The following STK3 variants were observed in gnomAD, a reference collection of about 807,000 sequenced individuals.
STK3 encodes serine/threonine kinase 3, also known as serine/threonine-protein kinase 3.
STK3 carries 41 observed loss-of-function variants against 58.0 expected under a neutral mutation model. That is an observed-to-expected ratio of 0.71 (90% CI 0.55 to 0.92). The LOEUF (loss-of-function observed/expected upper bound fraction) is 0.92, where lower values mean the gene tolerates loss of function less well. Ranked by LOEUF, STK3 falls within the 40% of genes least tolerant of loss-of-function variation. STK3 has a pLI of 0.00. For missense variants in STK3, 479 were observed against 602.7 expected (o/e 0.79, Z 2.15); for synonymous variants, 170 against 191.0 (o/e 0.89, Z 0.91).
the STK3 span, among the ~76,000 whole-genome samples, chr8:98,361,172 T>C: frequency 6.6e-6 from 1 of 152,202 alleles, no homozygotes; most frequent in African/African-American, 2.4e-5. Flanking sequence ...CTGACTTTAA[T>C]GAGTGCTCAG....
chr8:98,654,145 T>G (rs534357512), intron 6 of STK3, among the ~76,000 whole-genome samples: 78 of 152,286 alleles, frequency 5.1e-4, no homozygotes, highest in Admixed American at 3.1e-3. Flanking sequence ...ATGATCAAGT[T>G]GGATTCATCC....
At chr8:98,632,260 T>TA (rs1474971404) in intron 6 of STK3, among the ~76,000 whole-genome samples, 1 of 152,186 alleles carries the variant, frequency 6.6e-6, no homozygotes, top group Non-Finnish European at 1.5e-5. Context: ...AATGATTAAC[T>TA]ACCAAAAGAA....
intron 3 of STK3, among the ~76,000 whole-genome samples, chr8:98,422,113 T>G (rs1302943097): frequency 6.6e-6 from 1 of 151,802 alleles, no homozygotes; most frequent in Non-Finnish European, 1.5e-5. Context: ...AATGGGGGAG[T>G]GGCCTCTGCA....
intron 1 of STK3, among the ~76,000 whole-genome samples, chr8:98,792,963 G>T (rs569152273): frequency 1.1e-4 from 16 of 152,004 alleles, no homozygotes; most frequent in South Asian, 1.0e-3. Flanking sequence ...ATGTGTGTGT[G>T]TATGTATATA....
intron 3 of STK3, among the ~76,000 whole-genome samples, chr8:98,403,640 C>T (rs1228468753): frequency 6.6e-6 from 1 of 152,182 alleles, no homozygotes; most frequent in Non-Finnish European, 1.5e-5. Context: ...GGACAGGGAT[C>T]ATATCTGTGT....
chr8:98,426,496 G>A (rs57063021), intron 3 of STK3, among the ~76,000 whole-genome samples: 3 of 151,690 alleles, frequency 2.0e-5, no homozygotes, highest in South Asian at 2.1e-4. Flanking sequence ...CGCCCCCGCC[G>A]TGCGGCCTGC....
chr8:98,925,662 C>T (rs555297967), intron 1 of STK3, among the ~76,000 whole-genome samples: 1 of 152,222 alleles, frequency 6.6e-6, no homozygotes, highest in South Asian at 2.1e-4. Flanking sequence ...TTGTTGTTGG[C>T]CCAAACACCA....
intron 3 of STK3, among the ~76,000 whole-genome samples, chr8:98,404,085 C>T (rs954798960): frequency 3.3e-5 from 5 of 152,210 alleles, no homozygotes; most frequent in Non-Finnish European, 7.3e-5. Flanking sequence ...GAATTTAGTG[C>T]TTATCCTCTT....
chr8:98,414,195 C>T (rs765876606), intron 3 of STK3, among the ~76,000 whole-genome samples: 2 of 152,080 alleles, frequency 1.3e-5, no homozygotes, highest in East Asian at 1.9e-4. Context: ...ACCTGGGAGG[C>T]GGAGGTTGCA....
chr8:98,644,682 T>A (rs1018364918), intron 6 of STK3, among the ~76,000 whole-genome samples: 1 of 152,184 alleles, frequency 6.6e-6, no homozygotes, highest in Non-Finnish European at 1.5e-5. Flanking sequence ...AATCTTTTTC[T>A]CCTAAGGTCA....
intron 4 of STK3, among the ~76,000 whole-genome samples, chr8:98,740,878 C>T (rs1003071600): frequency 6.6e-6 from 1 of 151,666 alleles, no homozygotes; most frequent in Non-Finnish European, 1.5e-5. Flanking sequence ...CACAAAGGCT[C>T]AAAATAAAAG....
At chr8:98,868,998 AAGAG>A (rs1209772858) in intron 3 of STK3, among the ~76,000 whole-genome samples, 4 of 145,368 alleles carry the variant, frequency 2.8e-5, no homozygotes, top group African/African-American at 1.0e-4. Flanking sequence ...AGAAAGAAGA[AAGAG>A]AGAGAGAGAG....
At chr8:98,364,137 G>A in the STK3 span, among the ~76,000 whole-genome samples, 1 of 152,176 alleles carries the variant, frequency 6.6e-6, no homozygotes, top group Admixed American at 6.5e-5. Context: ...TCTCCAGACA[G>A]CCTGGAGCCT....
chr8:98,791,268 G>A (rs1277240960), intron 1 of STK3, among the ~76,000 whole-genome samples: 2 of 152,150 alleles, frequency 1.3e-5, no homozygotes, highest in Non-Finnish European at 2.9e-5. Flanking sequence ...AACCAAGGAG[G>A]TAAAAGACCT....
At chr8:98,797,116 G>A (rs1230245109) in intron 1 of STK3, among the ~76,000 whole-genome samples, 2 of 152,192 alleles carry the variant, frequency 1.3e-5, no homozygotes, top group African/African-American at 4.8e-5. Context: ...GTAGAAAGCT[G>A]TTTCATCTAC....
chr8:98,659,078 A>G (rs1049010946), intron 6 of STK3, among the ~76,000 whole-genome samples: 2 of 152,186 alleles, frequency 1.3e-5, no homozygotes, highest in Middle Eastern at 3.4e-3. Flanking sequence ...CTAGGTGTAC[A>G]GACAGCTATA....
At chr8:98,764,188 A>C (rs567370089) in intron 3 of STK3, among the ~76,000 whole-genome samples, 6 of 152,366 alleles carry the variant, frequency 3.9e-5, no homozygotes, top group African/African-American at 1.4e-4. Context: ...TCTGCTATAA[A>C]GTGGTACAAA....
intron 1 of STK3, among the ~76,000 whole-genome samples, chr8:98,813,415 T>G (rs1834349971): frequency 1.4e-5 from 2 of 138,452 alleles, no homozygotes; most frequent in Admixed American, 1.4e-4. Flanking sequence ...TTATGGGGGT[T>G]TAATTAATTA....
intron 6 of STK3, among the ~76,000 whole-genome samples, chr8:98,659,390 C>T (rs1414784109): frequency 6.6e-6 from 1 of 151,998 alleles, no homozygotes; most frequent in Non-Finnish European, 1.5e-5. Context: ...AAGTCCTCTA[C>T]AGTTTACTAT....
Sources: gnomAD v4.1 joint callset for allele counts (sites outside exome capture counted in the v4.1 genomes callset) on GRCh38, gnomAD v4.1.1 for gene constraint, MANE v1.5 for transcripts, NCBI Gene and HGNC (gene_info 2026-07-23, HGNC 2026-07-21) for gene names.